Variants in LRRC4C observed in about 807,000 individuals in gnomAD.
The protein encoded by LRRC4C is leucine rich repeat containing 4C, also known as leucine-rich repeat-containing protein 4C.
LRRC4C carries 5 observed loss-of-function variants against 33.6 expected under a neutral mutation model. The ratio of observed to expected loss-of-function variants is 0.15; its 90% confidence interval spans 0.08 to 0.31. The LOEUF is 0.31. Ranked by LOEUF, LRRC4C falls within the 10% of genes least tolerant of loss-of-function variation. LRRC4C has a pLI of 1.00. For missense variants in LRRC4C, 560 were observed against 796.7 expected (o/e 0.70, Z 3.58); for synonymous variants, 329 against 302.0 (o/e 1.09, Z -0.93).
At chr11:40,959,590 CCTG>C (rs1338368159) in intron 1 of LRRC4C, among the ~76,000 whole-genome samples, 1 of 151,622 alleles carries the variant, frequency 6.6e-6, no homozygotes, top group Non-Finnish European at 1.5e-5. Context: ...CTAAATGACT[CCTG>C]CTATTTCTAT....
chr11:40,922,955 G>C (rs550551977), intron 2 of LRRC4C, among the ~76,000 whole-genome samples: 1 of 152,072 alleles, frequency 6.6e-6, no homozygotes, highest in African/African-American at 2.4e-5. Flanking sequence ...CTCCCAAGTA[G>C]CTGGGACTGC....
At chr11:41,277,632 A>T (rs1291609627) in intron 1 of LRRC4C, among the ~76,000 whole-genome samples, 1 of 152,100 alleles carries the variant, frequency 6.6e-6, no homozygotes, top group Non-Finnish European at 1.5e-5. Context: ...CTGACAACTG[A>T]GCTAAGACTT....
At chr11:40,485,535 G>A (rs892440216) in intron 3 of LRRC4C, among the ~76,000 whole-genome samples, 1 of 151,918 alleles carries the variant, frequency 6.6e-6, no homozygotes, top group Non-Finnish European at 1.5e-5. Context: ...GAAAAAGATG[G>A]ATGCTAAAAC....
intron 2 of LRRC4C, among the ~76,000 whole-genome samples, chr11:40,914,726 G>T (rs879002662): frequency 6.6e-6 from 1 of 152,056 alleles, no homozygotes; most frequent in African/African-American, 2.4e-5. Flanking sequence ...GGAAATAAAG[G>T]GTATTCAATT....
At chr11:41,277,083 T>C (rs1450354444) in intron 1 of LRRC4C, among the ~76,000 whole-genome samples, 1 of 152,212 alleles carries the variant, frequency 6.6e-6, no homozygotes, top group Non-Finnish European at 1.5e-5. Context: ...TGTTCACCAC[T>C]GTATCCACAG....
intron 1 of LRRC4C, among the ~76,000 whole-genome samples, chr11:41,378,638 A>C (rs2137863206): frequency 6.6e-6 from 1 of 152,258 alleles, no homozygotes; most frequent in East Asian, 1.9e-4. Context: ...TTGGAAACAA[A>C]GATTTTAATC....
At chr11:40,443,066 C>A (rs1264902466) in intron 3 of LRRC4C, among the ~76,000 whole-genome samples, 3 of 152,158 alleles carry the variant, frequency 2.0e-5, no homozygotes, top group African/African-American at 4.8e-5. Flanking sequence ...AATTTCTCCA[C>A]AGATATTTTT....
chr11:40,396,396 G>A (rs11035822), intron 3 of LRRC4C, among the ~76,000 whole-genome samples: 52,693 of 151,678 alleles, frequency 0.35, 10,128 homozygotes, highest in East Asian at 0.5. Flanking sequence ...CTCCTCTGGG[G>A]CATAATGTCC....
intron 2 of LRRC4C, among the ~76,000 whole-genome samples, chr11:40,857,399 C>T (rs972664862): frequency 1.3e-5 from 2 of 152,056 alleles, no homozygotes; most frequent in Admixed American, 1.3e-4. Flanking sequence ...CTCCCTGTAT[C>T]CATGTGTTCT....
At chr11:40,511,989 G>A (rs184241103) in intron 3 of LRRC4C, among the ~76,000 whole-genome samples, 28 of 152,032 alleles carry the variant, frequency 1.8e-4, no homozygotes, top group South Asian at 1.7e-3. Context: ...ATGATACTTC[G>A]TTTTTATTCT....
At chr11:41,142,414 G>A (rs779205819) in intron 1 of LRRC4C, among the ~76,000 whole-genome samples, 1 of 152,184 alleles carries the variant, frequency 6.6e-6, no homozygotes, top group Non-Finnish European at 1.5e-5. Flanking sequence ...GGTCTGGAAT[G>A]AGGCTCAAGA....
intron 1 of LRRC4C, among the ~76,000 whole-genome samples, chr11:41,384,905 T>C (rs551538587): frequency 1.3e-5 from 2 of 149,980 alleles, no homozygotes; most frequent in South Asian, 4.3e-4. Flanking sequence ...GCTTTTAAAA[T>C]GATTTAGTAT....
intron 1 of LRRC4C, among the ~76,000 whole-genome samples, chr11:41,453,796 G>A (rs1431719441): frequency 6.6e-6 from 1 of 152,010 alleles, no homozygotes; most frequent in Admixed American, 6.6e-5. Flanking sequence ...TTTTCTTGGT[G>A]TGTGTTGGTA....
intron 2 of LRRC4C, among the ~76,000 whole-genome samples, chr11:40,928,019 C>T (rs1029588960): frequency 2.2e-4 from 34 of 151,920 alleles, no homozygotes; most frequent in Admixed American, 5.3e-4. Flanking sequence ...TGACCTAAAA[C>T]ATTATTTAGA....
intron 3 of LRRC4C, among the ~76,000 whole-genome samples, chr11:40,632,293 A>G (rs370813540): frequency 6.6e-6 from 1 of 152,220 alleles, no homozygotes; most frequent in Admixed American, 6.5e-5. Context: ...ATATCCTTGA[A>G]TTGACCTAAA....
At chr11:40,154,721 C>A (rs886778789) in intron 5 of LRRC4C, among the ~76,000 whole-genome samples, 8 of 152,068 alleles carry the variant, frequency 5.3e-5, no homozygotes, top group African/African-American at 1.7e-4. Context: ...ATGAATAAAC[C>A]TAAGAAATGA....
intron 1 of LRRC4C, among the ~76,000 whole-genome samples, chr11:41,078,781 CT>C (rs1233129800): frequency 1.3e-5 from 2 of 152,222 alleles, no homozygotes; most frequent in East Asian, 1.9e-4. Context: ...CTTGAAAAGG[CT>C]TTTTTTCCCC....
chr11:40,458,919 T>G (rs1209052787), intron 3 of LRRC4C, among the ~76,000 whole-genome samples: 1 of 152,004 alleles, frequency 6.6e-6, no homozygotes, highest in African/African-American at 2.4e-5. Context: ...AGTTAATCAG[T>G]TAAGTTCTTT....
chr11:40,761,169 C>T (rs563814894), intron 2 of LRRC4C, among the ~76,000 whole-genome samples: 1 of 152,192 alleles, frequency 6.6e-6, no homozygotes, highest in South Asian at 2.1e-4. Flanking sequence ...CGCACCTGAT[C>T]TAGATTCCAA....
Sources: gnomAD v4.1 joint callset for allele counts (sites outside exome capture counted in the v4.1 genomes callset) on GRCh38, gnomAD v4.1.1 for gene constraint, MANE v1.5 for transcripts, NCBI Gene and HGNC (gene_info 2026-07-23, HGNC 2026-07-21) for gene names.